EPHA5: variants seen among roughly 807,000 people sequenced by gnomAD.
EPHA5 encodes the protein EPH receptor A5, also known as ephrin type-A receptor 5.
In EPHA5, 60 loss-of-function variants were observed where a neutral mutation model predicts 105.0. The observed-to-expected ratio is 0.57, with a 90% CI of 0.46 to 0.71. The LOEUF (loss-of-function observed/expected upper bound fraction) is 0.71, where lower values mean the gene tolerates loss of function less well. Ranked by LOEUF, EPHA5 falls within the 30% of genes least tolerant of loss-of-function variation. The pLI, the probability that EPHA5 is intolerant of heterozygous loss-of-function variation, is 0.00. For synonymous variants in EPHA5, 513 were observed against 449.1 expected, an observed-to-expected ratio of 1.14 and a Z score of -1.80; for missense variants, 1,218 against 1,274.7, an observed-to-expected ratio of 0.96 and a Z score of 0.68.
At chr4:65,354,058 A>G (rs1487862161) in intron 11 of EPHA5, among the ~76,000 whole-genome samples, 1 of 151,778 alleles carries the variant, frequency 6.6e-6, no homozygotes, top group Non-Finnish European at 1.5e-5. Flanking sequence ...GGGCAAGTCA[A>G]TTCTTATCTC....
chr4:65,548,807 C>T (rs1737625712), intron 3 of EPHA5, among the ~76,000 whole-genome samples: 1 of 152,068 alleles, frequency 6.6e-6, no homozygotes. Context: ...CTCATGTTCC[C>T]TAAACTCAAG....
intron 14 of EPHA5, among the ~76,000 whole-genome samples, chr4:65,340,266 T>C (rs1159698348): frequency 6.6e-6 from 1 of 152,156 alleles, no homozygotes; most frequent in East Asian, 1.9e-4. Context: ...AGTATGGGTG[T>C]TATTCTTCAT....
In EPHA5 at chr4:65,429,602, T is replaced by C. The variant is rs544535722; in HGVS notation, c.1403-9037A>G. 5.3e-5 allele frequency among the ~76,000 whole-genome samples: 8 copies of C among 152,180 alleles called. No homozygotes were observed. In the East Asian group the frequency reaches 1.5e-3, roughly 29 times the overall value. On this transcript the variant is annotated intron_variant, in intron 5 of 16. Transcript: ENST00000613740. Reference sequence around the variant, plus strand: ...CATAAATATAGAGAACCTATTCATTTTCCTTTCTCACTTCTCATTGGTCTT... The same window carrying C: ...CATAAATATAGAGAACCTATTCATTCTCCTTTCTCACTTCTCATTGGTCTT...
In EPHA5 at chr4:65,601,633, ACT is replaced by A; in HGVS notation, c.910+6_910+7del. On this transcript the variant is annotated splice_donor_region_variant and intron_variant, in intron 3 of 16. Coordinates refer to ENST00000613740, the MANE Select transcript of EPHA5 (RefSeq NM_001281766.3). ...ACAGCCCCTGCAGATCTGGAGGCAAACTCTTACCTTGACAGGTGCCATTTTTC... is the reference window on the plus strand; with the variant it reads ...ACAGCCCCTGCAGATCTGGAGGCAAACTTACCTTGACAGGTGCCATTTTTC... 6.2e-7 allele frequency: 1 copy of A among 1,609,450 alleles called. No individual in the cohort carries two copies.
At chr4:65,448,398 A>G (rs532629205) in intron 5 of EPHA5, among the ~76,000 whole-genome samples, 1 of 152,188 alleles carries the variant, frequency 6.6e-6, no homozygotes, top group Admixed American at 6.5e-5. Flanking sequence ...CTGTAATCCC[A>G]GCACTTTGTG....
At chr4:65,534,131 T>G (rs1322764583) in intron 3 of EPHA5, among the ~76,000 whole-genome samples, 1 of 152,166 alleles carries the variant, frequency 6.6e-6, no homozygotes, top group African/African-American at 2.4e-5. Context: ...AATGTATGAA[T>G]GGCTTAAGTT....
chr4:65,568,461 A>C (rs1252855219), intron 3 of EPHA5, among the ~76,000 whole-genome samples: 1 of 151,350 alleles, frequency 6.6e-6, no homozygotes, highest in Admixed American at 6.6e-5. Flanking sequence ...TTTGGACTAT[A>C]ATTTGATTTT....
intron 3 of EPHA5, among the ~76,000 whole-genome samples, chr4:65,543,897 C>T (rs998632950): frequency 3.3e-5 from 5 of 152,032 alleles, no homozygotes; most frequent in African/African-American, 1.2e-4. Flanking sequence ...TGGAACAGAA[C>T]AGAGACCTCA....
chr4:65,395,990 G>C, intron 8 of EPHA5, among the ~76,000 whole-genome samples: 1 of 152,154 alleles, frequency 6.6e-6, no homozygotes, highest in Non-Finnish European at 1.5e-5. Context: ...CAAATTGGCA[G>C]GGCAGGAGCC....
chr4:65,469,136 C>A (rs1729046950), intron 5 of EPHA5, among the ~76,000 whole-genome samples: 1 of 152,028 alleles, frequency 6.6e-6, no homozygotes, highest in Non-Finnish European at 1.5e-5. Flanking sequence ...AGCCATTTTG[C>A]TATTATGGTA....
chr4:65,534,808 C>A (rs1232054424), intron 3 of EPHA5, among the ~76,000 whole-genome samples: 1 of 152,118 alleles, frequency 6.6e-6, no homozygotes, highest in Non-Finnish European at 1.5e-5. Context: ...GCATCAAATA[C>A]AACAAAACAT....
intron 2 of EPHA5, among the ~76,000 whole-genome samples, chr4:65,631,492 T>C (rs1746627722): frequency 6.6e-6 from 1 of 152,134 alleles, no homozygotes; most frequent in South Asian, 2.1e-4. Context: ...TATAAGTCTA[T>C]CACAACCACT....
chr4:65,357,359 C>T lies in EPHA5; in HGVS notation c.2174-4256G>A, dbSNP rs1261990553. ...AATATTAAGGCTGTTTTCCTTTCTC[C>T]CATACTGAGATGTCTACAAATTCAA... On this transcript the variant is annotated intron_variant, in intron 11 of 16. Coordinates refer to ENST00000613740, the MANE Select transcript of EPHA5 (RefSeq NM_001281766.3). 2.0e-5 allele frequency among the ~76,000 whole-genome samples: 3 copies of T among 151,296 alleles called. No homozygotes were observed. In the Admixed American group the frequency reaches 2.0e-4, roughly 10 times the overall value.
chr4:65,458,513 A>G (rs2149125180), intron 5 of EPHA5, among the ~76,000 whole-genome samples: 1 of 152,212 alleles, frequency 6.6e-6, no homozygotes, highest in East Asian at 1.9e-4. Context: ...TGTCTCCTTA[A>G]TGAAATCTTT....
At chr4:65,426,460 C>G (rs530366438) in intron 5 of EPHA5, among the ~76,000 whole-genome samples, 4 of 151,994 alleles carry the variant, frequency 2.6e-5, no homozygotes, top group African/African-American at 9.7e-5. Context: ...TATAATGGCA[C>G]TGCTTGAAAT....
At chr4:65,647,155 C>G (rs1748179572) in intron 1 of EPHA5, among the ~76,000 whole-genome samples, 1 of 151,616 alleles carries the variant, frequency 6.6e-6, no homozygotes, top group African/African-American at 2.4e-5. Flanking sequence ...GGTGAAACCC[C>G]ATCTCTACTA....
chr4:65,329,650 ATATTTTAT>A (rs1390790277), intron 16 of EPHA5, among the ~76,000 whole-genome samples: 6 of 151,314 alleles, frequency 4.0e-5, no homozygotes, highest in Non-Finnish European at 7.4e-5. Flanking sequence ...TCTAAGAATT[ATATTTTAT>A]TATTTTATTA....
chr4:65,588,977 T>G (rs570566885), intron 3 of EPHA5, among the ~76,000 whole-genome samples: 12 of 152,182 alleles, frequency 7.9e-5, no homozygotes, highest in Non-Finnish European at 1.8e-4. Context: ...TGCTTTAAAC[T>G]TTTAAATCTA....
chr4:65,484,010 A>T (rs907240087), intron 5 of EPHA5, among the ~76,000 whole-genome samples: 10 of 152,234 alleles, frequency 6.6e-5, no homozygotes, highest in African/African-American at 2.4e-4. Context: ...AAGACAAATT[A>T]ATCTTGTAAA....
Sources: gnomAD v4.1 joint callset for allele counts (sites outside exome capture counted in the v4.1 genomes callset) on GRCh38, gnomAD v4.1.1 for gene constraint, MANE v1.5 for transcripts, NCBI Gene and HGNC (gene_info 2026-07-23, HGNC 2026-07-21) for gene names.